VPS50: variants seen among roughly 807,000 people sequenced by gnomAD.
VPS50 encodes VPS50 subunit of EARP/GARPII complex.
VPS50 carries 70 observed loss-of-function variants against 139.7 expected under a neutral mutation model. The ratio of observed to expected loss-of-function variants is 0.50; its 90% CI spans 0.41 to 0.61. VPS50 has a LOEUF of 0.61. Among genes scored for constraint, VPS50 ranks in the 20% least tolerant of loss-of-function variants. The probability of loss-of-function intolerance (pLI) is 0.00; values close to 1 mark genes in which losing one functional copy is unlikely to be tolerated. For missense variants in VPS50, 921 were observed against 1,133.7 expected, an observed-to-expected ratio of 0.81 and a Z score of 2.69; for synonymous variants, 365 against 376.7, an observed-to-expected ratio of 0.97 and a Z score of 0.36.
intron 19 of VPS50, among the ~76,000 whole-genome samples, chr7:93,310,390 A>G (rs1797232408): frequency 6.6e-6 from 1 of 152,016 alleles, no homozygotes; most frequent in Non-Finnish European, 1.5e-5. Context: ...CCAGATTATT[A>G]AATCAACTCC....
Position 93,258,165 on chromosome 7 carries a change from G to C in VPS50, c.429G>C (p.Leu143Phe), listed in dbSNP as rs375674244. 6.9e-7 allele frequency: 1 copy of C among 1,454,392 alleles called. No individual in the cohort carries two copies. The highest frequency in any genetic ancestry group is 9.6e-7 in the Non-Finnish European group (1 of 1,036,910). The allele number at this position is 1,454,392 out of a possible 1,614,324, so 90.1% of individuals were successfully genotyped here. Residue 143 changes from leucine to phenylalanine, a missense_variant, in exon 7 of 28, where the codon TTG (leucine) becomes TTC (phenylalanine). This residue lies in a region of VPS50 where 744 missense variants were observed against 930.6 expected (regional missense o/e 0.80). Transcript: ENST00000305866. ...TTATTGTTCACTTTTGCAGACACTT[G>C]AATATTGCAAAGGAAGGTTTTACTC... ...AVICTNGRRHLNIAKEGFTQA... is the reference protein window; with the variant it reads ...AVICTNGRRHFNIAKEGFTQA...
intron 12 of VPS50, among the ~76,000 whole-genome samples, chr7:93,283,765 G>C (rs1796400003): frequency 6.6e-6 from 1 of 152,180 alleles, no homozygotes; most frequent in Non-Finnish European, 1.5e-5. Context: ...GGCACAACAG[G>C]AACAGTGTGT....
chr7:93,316,774 A>G (rs973624156), intron 20 of VPS50, among the ~76,000 whole-genome samples: 2 of 152,232 alleles, frequency 1.3e-5, no homozygotes, highest in Non-Finnish European at 2.9e-5. Flanking sequence ...GGTCAGGAGA[A>G]AAAACATGAT....
intron 12 of VPS50, among the ~76,000 whole-genome samples, chr7:93,279,777 T>C (rs1796268472): frequency 6.6e-6 from 1 of 152,132 alleles, no homozygotes; most frequent in African/African-American, 2.4e-5. Context: ...TAGTCATACA[T>C]AGAGCTTAAA....
At chr7:93,272,559 G>T in intron 10 of VPS50, 76 bp from the exon 11 acceptor site, 1 of 584,112 alleles carries the variant, frequency 1.7e-6, no homozygotes, top group Non-Finnish European at 3.0e-6. Flanking sequence ...TGAGAAATTA[G>T]TCTTAATGTT....
chr7:93,241,118 A>AT (rs1465012478), intron 2 of VPS50, among the ~76,000 whole-genome samples: 3 of 152,164 alleles, frequency 2.0e-5, no homozygotes, highest in Non-Finnish European at 4.4e-5. Flanking sequence ...CTTGAATTAG[A>AT]TTGTATTACA....
intron 25 of VPS50, 137 bp downstream of exon 25, chr7:93,350,170 A>C: frequency 1.9e-6 from 1 of 535,108 alleles, no homozygotes; most frequent in East Asian, 3.1e-5. Context: ...CCCTGAATTG[A>C]AATAGGCTTA....
intron 17 of VPS50, among the ~76,000 whole-genome samples, chr7:93,304,139 G>C (rs1797053863): frequency 6.6e-6 from 1 of 151,734 alleles, no homozygotes; most frequent in Admixed American, 6.6e-5. Flanking sequence ...TTTTTCCCTT[G>C]GTTGAAACAC....
At chr7:93,273,662 G>A (rs1012906708) in intron 11 of VPS50, among the ~76,000 whole-genome samples, 10 of 152,072 alleles carry the variant, frequency 6.6e-5, no homozygotes, top group African/African-American at 2.4e-4. Context: ...TACCTCCTAC[G>A]CACATTGCTT....
chr7:93,338,510 G>C (rs1423219146), intron 22 of VPS50, among the ~76,000 whole-genome samples: 2 of 152,158 alleles, frequency 1.3e-5, no homozygotes, highest in African/African-American at 4.8e-5. Flanking sequence ...TATAGTATCT[G>C]TTTGTTGAAC....
In VPS50 at chr7:93,358,474, A is replaced by G. The variant is rs749558348; in HGVS notation, c.*38A>G. 6.3e-7 allele frequency: 1 copy of G among 1,591,250 alleles called. No homozygotes were observed. On this transcript the variant is annotated 3_prime_UTR_variant, in exon 28 of 28. Transcript: ENST00000305866. ...TCTTTCCTCAATGGCATTGATCCTCACTCAACATATATGACCTGAAAGCCA... is the reference window on the plus strand; with the variant it reads ...TCTTTCCTCAATGGCATTGATCCTCGCTCAACATATATGACCTGAAAGCCA...
intron 22 of VPS50, among the ~76,000 whole-genome samples, chr7:93,337,466 C>A (rs1371176129): frequency 2.0e-5 from 3 of 152,136 alleles, no homozygotes; most frequent in African/African-American, 7.2e-5. Flanking sequence ...CCTGTTCTAT[C>A]CCTAATTAAC....
intron 9 of VPS50, among the ~76,000 whole-genome samples, chr7:93,262,222 G>A (rs1795708513): frequency 6.6e-6 from 1 of 152,200 alleles, no homozygotes; most frequent in Non-Finnish European, 1.5e-5. Context: ...GGGAGCAGGT[G>A]ATGTGTTGAA....
In VPS50 at chr7:93,359,671, A is replaced by G. The variant is rs1453083970; in HGVS notation, c.*1235A>G. On this transcript the variant is annotated 3_prime_UTR_variant, in exon 28 of 28. Coordinates refer to ENST00000305866, the MANE Select transcript of VPS50 (RefSeq NM_017667.4). ...TCAACAGCTCACAGAATCCTAAGGA[A>G]TCATGTGAGAAACAGGCCTTGGGTC... is the stretch of plus-strand genomic sequence containing the variant. 2 of 152,176 alleles carry G rather than the reference A, an allele frequency of 1.3e-5. No homozygotes were observed. The highest frequency in any genetic ancestry group is 4.8e-5 in the African/African-American group (2 of 41,460). 9.4% of individuals were successfully genotyped at this position (152,176 alleles called of 1,614,324 possible).
intron 25 of VPS50, among the ~76,000 whole-genome samples, 191 bp downstream of exon 25, chr7:93,350,224 AT>A (rs1290987117): frequency 6.6e-6 from 1 of 152,262 alleles, no homozygotes; most frequent in African/African-American, 2.4e-5. Context: ...TACGTCGTAG[AT>A]TTTTTAGCTT....
At chr7:93,240,253 T>A (rs57002555) in intron 2 of VPS50, among the ~76,000 whole-genome samples, 22,423 of 138,046 alleles carry the variant, frequency 0.16, 2,836 homozygotes, top group East Asian at 0.36. Flanking sequence ...ACACACACTC[T>A]CTCTCTCTCT....
At chr7:93,282,198 C>T (rs559468105) in intron 12 of VPS50, among the ~76,000 whole-genome samples, 3 of 149,302 alleles carry the variant, frequency 2.0e-5, no homozygotes, top group East Asian at 1.9e-4. Flanking sequence ...AGCCAGACTC[C>T]GTCTCAAAAA....
chr7:93,350,781 C>T (rs1008753110), intron 25 of VPS50, among the ~76,000 whole-genome samples: 1 of 151,966 alleles, frequency 6.6e-6, no homozygotes, highest in Non-Finnish European at 1.5e-5. Flanking sequence ...GAGAAGGACC[C>T]TGATAAGGTG....
intron 16 of VPS50, 110 bp from the exon 17 acceptor site, chr7:93,303,350 G>T: frequency 2.2e-6 from 1 of 460,080 alleles, no homozygotes; most frequent in South Asian, 5.5e-5. Flanking sequence ...AGTTGATTAT[G>T]ATCATGACAA....
Sources: gnomAD v4.1 joint callset for allele counts (sites outside exome capture counted in the v4.1 genomes callset) on GRCh38, gnomAD v4.1.1 for gene constraint, gnomAD v4.1.1 regional missense constraint, MANE v1.5 for transcripts, NCBI Gene and HGNC (gene_info 2026-07-23, HGNC 2026-07-21) for gene names.